CNTNAP2: variants seen among roughly 807,000 people sequenced by gnomAD.
CNTNAP2 encodes contactin-associated protein-like 2.
In CNTNAP2, 98 loss-of-function variants were observed where a neutral mutation model predicts 155.2. That is an observed-to-expected ratio of 0.63 (90% CI 0.54 to 0.75). The LOEUF (loss-of-function observed/expected upper bound fraction) is 0.75, where lower values mean the gene tolerates loss of function less well. Among genes scored for constraint, CNTNAP2 ranks in the 30% least tolerant of loss-of-function variants. The pLI is 0.00. For synonymous variants in CNTNAP2, 651 were observed against 631.2 expected (o/e 1.03, Z -0.47); for missense variants, 1,727 against 1,688.1 (o/e 1.02, Z -0.40).
intron 17 of CNTNAP2, among the ~76,000 whole-genome samples, chr7:148,164,292 A>G (rs1046831316): frequency 2.6e-5 from 4 of 152,152 alleles, no homozygotes; most frequent in African/African-American, 9.7e-5. Flanking sequence ...CTAAGAAACA[A>G]TGGTAGCATA....
intron 1 of CNTNAP2, among the ~76,000 whole-genome samples, chr7:146,294,451 G>C (rs917823049): frequency 6.6e-6 from 1 of 152,196 alleles, no homozygotes; most frequent in African/African-American, 2.4e-5. Flanking sequence ...GCCAATGTCA[G>C]CTGGCCCAGA....
At chr7:146,557,122 A>G (rs112590803) in intron 1 of CNTNAP2, among the ~76,000 whole-genome samples, 2,772 of 152,180 alleles carry the variant, frequency 0.018, 48 homozygotes, top group Middle Eastern at 0.027. Context: ...CAAATGATCT[A>G]TTTGATTGGT....
At chr7:147,212,465 TCTAA>T (rs1803170468) in intron 8 of CNTNAP2, among the ~76,000 whole-genome samples, 1 of 152,128 alleles carries the variant, frequency 6.6e-6, no homozygotes, top group Non-Finnish European at 1.5e-5. Flanking sequence ...AGGCCTCTAT[TCTAA>T]CTAGATTAAC....
chr7:147,182,125 C>CAAAA (rs10718876), intron 8 of CNTNAP2, among the ~76,000 whole-genome samples: 105 of 92,106 alleles, frequency 1.1e-3, no homozygotes, highest in East Asian at 2.2e-3. Context: ...GACTCCATCT[C>CAAAA]AAAAAAAAAA....
chr7:146,679,557 A>G (rs1357306178), intron 1 of CNTNAP2, among the ~76,000 whole-genome samples: 1 of 151,812 alleles, frequency 6.6e-6, no homozygotes, highest in African/African-American at 2.4e-5. Context: ...GGGTTTCACT[A>G]TGTTGGCCAG....
chr7:146,806,334 C>CAAA (rs111572841), intron 2 of CNTNAP2, among the ~76,000 whole-genome samples: 15 of 136,668 alleles, frequency 1.1e-4, no homozygotes, highest in African/African-American at 3.7e-4. Context: ...CTACTAAATA[C>CAAA]AAAAAAAAAA....
At chr7:147,795,652 A>G (rs1277309790) in intron 13 of CNTNAP2, among the ~76,000 whole-genome samples, 2 of 152,238 alleles carry the variant, frequency 1.3e-5, no homozygotes, top group South Asian at 4.1e-4. Context: ...TTCATCACAA[A>G]TCCTCCTCTC....
At chr7:147,227,919 AG>A (rs1311455422) in intron 8 of CNTNAP2, among the ~76,000 whole-genome samples, 1 of 152,148 alleles carries the variant, frequency 6.6e-6, no homozygotes. Context: ...TAGAAAGAAA[AG>A]GTGGAAAGTC....
intron 4 of CNTNAP2, among the ~76,000 whole-genome samples, chr7:147,080,370 T>C (rs1326500337): frequency 6.6e-6 from 1 of 152,118 alleles, no homozygotes; most frequent in Non-Finnish European, 1.5e-5. Flanking sequence ...TTACTCAACT[T>C]CGTATCCAGA....
Position 147,444,525 on chromosome 7 carries a change from C to CTTTT in CNTNAP2, c.1671-41396_1671-41393dup, listed in dbSNP as rs557707358. ...ATTTCTTTTAGTCTAATTAAATTTT[C>CTTTT]TTTTTTTTTTTTTTTTTACTAGCAT... On this transcript the variant is annotated intron_variant, in intron 10 of 23. Coordinates refer to ENST00000361727, the MANE Select transcript of CNTNAP2 (RefSeq NM_014141.6). 7.1e-3 allele frequency among the ~76,000 whole-genome samples: 932 copies of CTTTT among 131,842 alleles called. 12 individuals carry two copies. The highest frequency in any genetic ancestry group is 0.024 in the African/African-American group (873 of 36,576). 86.5% of individuals were successfully genotyped at this position (131,842 alleles called of 152,430 possible). A position where few individuals can be genotyped will look rare whatever the true frequency, so the allele number is the denominator to read the frequency against.
intron 1 of CNTNAP2, among the ~76,000 whole-genome samples, chr7:146,360,329 C>G (rs1483971851): frequency 6.6e-6 from 1 of 152,100 alleles, no homozygotes; most frequent in Admixed American, 6.6e-5. Context: ...AAAGATAGAC[C>G]TAAGATTTTA....
At chr7:147,399,386 TA>T (rs1434171415) in intron 10 of CNTNAP2, among the ~76,000 whole-genome samples, 1 of 152,208 alleles carries the variant, frequency 6.6e-6, no homozygotes, top group Non-Finnish European at 1.5e-5. Flanking sequence ...GAGACGCGTG[TA>T]CCCTAGACCA....
intron 13 of CNTNAP2, among the ~76,000 whole-genome samples, chr7:147,877,813 G>A (rs955580718): frequency 2.6e-5 from 4 of 151,940 alleles, no homozygotes; most frequent in African/African-American, 9.7e-5. Context: ...GTGGTCTTTG[G>A]TTCTGTATAT....
chr7:148,350,947 A>G (rs1179675727), intron 21 of CNTNAP2, among the ~76,000 whole-genome samples: 1 of 152,232 alleles, frequency 6.6e-6, no homozygotes, highest in Non-Finnish European at 1.5e-5. Flanking sequence ...ACACTTGTTC[A>G]TTCATTTCAT....
chr7:147,680,599 C>G (rs1212169174), intron 13 of CNTNAP2, among the ~76,000 whole-genome samples: 1 of 151,770 alleles, frequency 6.6e-6, no homozygotes, highest in African/African-American at 2.4e-5. Context: ...TTGATGTTTA[C>G]CAGTTATACA....
At chr7:147,453,708 A>T (rs1797873016) in intron 10 of CNTNAP2, among the ~76,000 whole-genome samples, 1 of 152,206 alleles carries the variant, frequency 6.6e-6, no homozygotes, top group African/African-American at 2.4e-5. Context: ...ATAAGTTCTA[A>T]GAATTAAAGT....
chr7:148,047,891 A>T (rs1802801932), intron 15 of CNTNAP2, among the ~76,000 whole-genome samples: 1 of 152,178 alleles, frequency 6.6e-6, no homozygotes, highest in Non-Finnish European at 1.5e-5. Flanking sequence ...GGCAACTGGC[A>T]TTTAGTGAGC....
chr7:147,830,561 A>C (rs1168501944), intron 13 of CNTNAP2, among the ~76,000 whole-genome samples: 7 of 152,190 alleles, frequency 4.6e-5, no homozygotes, highest in African/African-American at 1.7e-4. Flanking sequence ...AGGGAAAATC[A>C]TTTCAGCCCA....
intron 8 of CNTNAP2, among the ~76,000 whole-genome samples, chr7:147,159,531 A>T (rs927115657): frequency 1.3e-5 from 2 of 152,046 alleles, no homozygotes; most frequent in Non-Finnish European, 2.9e-5. Flanking sequence ...AACCAACTCT[A>T]TTCATTTTTA....
Sources: allele counts gnomAD v4.1 joint callset (sites outside exome capture counted in the v4.1 genomes callset), GRCh38; gene constraint gnomAD v4.1.1; transcripts MANE v1.5; gene names NCBI Gene and HGNC (gene_info 2026-07-23, HGNC 2026-07-21).